SMAD3: variants seen among roughly 807,000 people sequenced by gnomAD.
SMAD3 encodes the protein MAD homolog 3.
Under a neutral mutation model 51.8 loss-of-function variants are expected in SMAD3, and 12 were observed. The ratio of observed to expected loss-of-function variants is 0.23; its 90% confidence interval spans 0.15 to 0.38. The LOEUF (loss-of-function observed/expected upper bound fraction) is 0.38. Ranked by LOEUF, SMAD3 falls within the 10% of genes least tolerant of loss-of-function variation. SMAD3 has a pLI of 1.00. For synonymous variants in SMAD3, 238 were observed against 227.7 expected (o/e 1.05, Z -0.41); for missense variants, 294 against 565.6 (o/e 0.52, Z 4.87).
intron 1 of SMAD3, among the ~76,000 whole-genome samples, chr15:67,101,511 C>G (rs1465169517): frequency 6.6e-6 from 1 of 152,084 alleles, no homozygotes; most frequent in Non-Finnish European, 1.5e-5. Context: ...GCTCTTGTAT[C>G]CTGTCCTGGT....
At chr15:67,127,760 G>T (rs965536338) in intron 1 of SMAD3, among the ~76,000 whole-genome samples, 3 of 152,150 alleles carry the variant, frequency 2.0e-5, no homozygotes, top group Non-Finnish European at 4.4e-5. Context: ...CACGCTTATG[G>T]TCAGTCTATT....
intron 1 of SMAD3, among the ~76,000 whole-genome samples, chr15:67,103,689 C>T (rs1028553909): frequency 6.6e-6 from 1 of 152,096 alleles, no homozygotes; most frequent in African/African-American, 2.4e-5. Context: ...GTGGACTCCC[C>T]ACCCCTGTGC....
At chr15:67,130,563 G>T (rs1204142712) in intron 1 of SMAD3, among the ~76,000 whole-genome samples, 1 of 152,178 alleles carries the variant, frequency 6.6e-6, no homozygotes, top group African/African-American at 2.4e-5. Context: ...GATGATCTGA[G>T]GTGGAACAGT....
At chr15:67,093,652 C>G (rs937058866) in intron 1 of SMAD3, among the ~76,000 whole-genome samples, 3 of 152,230 alleles carry the variant, frequency 2.0e-5, no homozygotes, top group African/African-American at 7.2e-5. Flanking sequence ...CCCACTTTGC[C>G]TCAGAGTCCA....
intron 1 of SMAD3, among the ~76,000 whole-genome samples, chr15:67,149,359 T>TGATACC (rs1169427410): frequency 6.6e-6 from 1 of 152,136 alleles, no homozygotes; most frequent in Admixed American, 6.5e-5. Flanking sequence ...CAGCTGGGAC[T>TGATACC]GGGTGGGCTG....
Position 67,071,538 on chromosome 15 carries a change from C to T in SMAD3, c.206+5178C>T, listed in dbSNP as rs144301712. On this transcript the variant is annotated intron_variant, in intron 1 of 8. Coordinates refer to ENST00000327367, the MANE Select transcript of SMAD3 (RefSeq NM_005902.4). ...AAAAAGTGGACAACTTGGCTGGGCA[C>T]GGTGGCTCACACCTGTAATCCCAAG... Among the ~76,000 whole-genome samples, 653 of 152,196 alleles carry T rather than the reference C, an allele frequency of 4.3e-3. 5 individuals carry two copies. Among genetic ancestry groups the T allele is most frequent in the African/African-American group, 0.015 (625 of 41,488 alleles).
chr15:67,083,373 G>A (rs1960318537), intron 1 of SMAD3, among the ~76,000 whole-genome samples: 1 of 152,194 alleles, frequency 6.6e-6, no homozygotes, highest in Non-Finnish European at 1.5e-5. Flanking sequence ...CTCTCTTGTG[G>A]GCTGCACGGT....
At chr15:67,160,693 C>T (rs1372726753) in intron 1 of SMAD3, among the ~76,000 whole-genome samples, 1 of 135,656 alleles carries the variant, frequency 7.4e-6, no homozygotes, top group African/African-American at 2.8e-5. Context: ...ATGGCGTGAC[C>T]CCAGGAGGTG....
intron 1 of SMAD3, among the ~76,000 whole-genome samples, chr15:67,154,562 C>G (rs1166560501): frequency 6.6e-6 from 1 of 152,138 alleles, no homozygotes; most frequent in South Asian, 2.1e-4. Flanking sequence ...CACTAGATGT[C>G]TTTGTGGCAC....
At chr15:67,140,202 G>T (rs1961782123) in intron 1 of SMAD3, among the ~76,000 whole-genome samples, 1 of 152,070 alleles carries the variant, frequency 6.6e-6, no homozygotes, top group South Asian at 2.1e-4. Context: ...ATCCAAGAGG[G>T]CAGGGGATTC....
At chr15:67,113,096 T>TATATA (rs58255931) in intron 1 of SMAD3, among the ~76,000 whole-genome samples, 1,149 of 86,826 alleles carry the variant, frequency 0.013, 221 homozygotes, top group African/African-American at 0.041. Context: ...ATATATATAT[T>TATATA]TTTTTGAGAC....
At chr15:67,188,148 CT>C (rs11367565) in intron 8 of SMAD3, among the ~76,000 whole-genome samples, 75,811 of 116,132 alleles carry the variant, frequency 0.65, 23,686 homozygotes, top group Middle Eastern at 0.77. Flanking sequence ...TTTTCTTTTT[CT>C]TTTTTTTTTT....
At chr15:67,080,780 C>T (rs1031492666) in intron 1 of SMAD3, among the ~76,000 whole-genome samples, 1 of 152,234 alleles carries the variant, frequency 6.6e-6, no homozygotes, top group Admixed American at 6.5e-5. Flanking sequence ...CACGTGGCCC[C>T]GAATAACCCC....
chr15:67,095,623 G>A (rs960080907), intron 1 of SMAD3, among the ~76,000 whole-genome samples: 7 of 152,044 alleles, frequency 4.6e-5, no homozygotes, highest in African/African-American at 1.7e-4. Context: ...ACCTCTGCCT[G>A]CGGGTTCAAG....
chr15:67,190,862 G>A lies in SMAD3; in HGVS notation c.*326G>A. The A allele has an allele frequency of 2.3e-6, 1 of 427,384 alleles. No individual in the cohort carries two copies. 26.5% of individuals were successfully genotyped at this position (427,384 alleles called of 1,614,324 possible). A position where few individuals can be genotyped will look rare whatever the true frequency, so the allele number is the denominator to read the frequency against. On this transcript the variant is annotated 3_prime_UTR_variant, in exon 9 of 9. Transcript: ENST00000327367. ...CCCCAGACTCTTTTTTTGAGTGACA[G>A]CTTTCTGGGATGTCACAGTCCAACC...
intron 1 of SMAD3, among the ~76,000 whole-genome samples, chr15:67,142,488 C>T (rs1477627599): frequency 6.6e-6 from 1 of 152,148 alleles, no homozygotes; most frequent in Admixed American, 6.5e-5. Context: ...ATGCTGCTCC[C>T]ACCTTTGTTT....
At chr15:67,156,935 C>T (rs1962298425) in intron 1 of SMAD3, among the ~76,000 whole-genome samples, 1 of 152,174 alleles carries the variant, frequency 6.6e-6, no homozygotes. Context: ...ATAGTCTACC[C>T]CAAAGTCACG....
chr15:67,098,696 T>C (rs1960675487), intron 1 of SMAD3: 1 of 559,658 alleles, frequency 1.8e-6, no homozygotes, highest in Non-Finnish European at 3.2e-6. Flanking sequence ...GCTTCGGGAG[T>C]TGGGAGAGAA....
In SMAD3 at chr15:67,181,471, TCCCCGCC is replaced by T; in HGVS notation, c.871+23_871+29del. ...ACACATCGGTATGGGGTGGCTCCAT[TCCCCGCC>T]CCCCCACCCTGCCCCTGCCACTCTA... On this transcript the variant is annotated intron_variant, in intron 6 of 8. Transcript: ENST00000327367. The T allele has an allele frequency of 6.6e-7, 1 of 1,521,132 alleles. No homozygotes were observed. The highest frequency in any genetic ancestry group is 8.8e-7 in the Non-Finnish European group (1 of 1,132,032). 94.2% of individuals were successfully genotyped at this position (1,521,132 alleles called of 1,614,324 possible).
Sources: gnomAD v4.1 joint callset for allele counts (sites outside exome capture counted in the v4.1 genomes callset) on GRCh38, gnomAD v4.1.1 for gene constraint, MANE v1.5 for transcripts, NCBI Gene and HGNC (gene_info 2026-07-23, HGNC 2026-07-21) for gene names.